The following MME variants were observed in gnomAD, a reference collection of about 807,000 sequenced individuals.
The protein encoded by MME is neprilysin.
In MME, 98 loss-of-function variants were observed where a neutral mutation model predicts 113.2. That is an observed-to-expected ratio of 0.87 (90% confidence interval 0.74 to 1.02). The LOEUF is 1.02. Ranked by LOEUF, MME falls within the 50% of genes least tolerant of loss-of-function variation. The pLI is 0.00. For missense variants in MME, 836 were observed against 896.0 expected (o/e 0.93, Z 0.86); for synonymous variants, 292 against 300.6 (o/e 0.97, Z 0.30).
chr3:155,079,630 T>TCG (rs1481000476), upstream of MME: 1 of 27,486 alleles, frequency 3.6e-5, no homozygotes, highest in African/African-American at 1.0e-4. Context: ...GGGTAGGGGG[T>TCG]GGGGGGGGTG....
chr3:155,061,397 G>A (rs1462185726), intron 1 of MME, among the ~76,000 whole-genome samples: 13 of 148,156 alleles, frequency 8.8e-5, no homozygotes, highest in African/African-American at 3.0e-4. Flanking sequence ...CTTGCAGTGA[G>A]CCGAGATGGC....
intron 1 of MME, among the ~76,000 whole-genome samples, chr3:155,066,000 C>T (rs149120022): frequency 2.0e-5 from 3 of 152,238 alleles, no homozygotes; most frequent in Non-Finnish European, 2.9e-5. Flanking sequence ...TTAAGTAATT[C>T]AGGAGTGTTT....
intron 8 of MME, among the ~76,000 whole-genome samples, chr3:155,126,134 A>G (rs890667967): frequency 2.0e-5 from 3 of 152,158 alleles, no homozygotes; most frequent in African/African-American, 7.2e-5. Context: ...TGGGTATGGG[A>G]TATTTGAGTT....
At chr3:155,077,868 T>C (rs575291234), upstream of MME, among the ~76,000 whole-genome samples, 2 of 152,216 alleles carry the variant, frequency 1.3e-5, no homozygotes, top group East Asian at 3.9e-4. Context: ...ATTTTTTTTT[T>C]CTTTTGTCAT....
intron 1 of MME, among the ~76,000 whole-genome samples, chr3:155,063,190 A>G (rs1288058567): frequency 5.6e-4 from 69 of 124,290 alleles, no homozygotes; most frequent in African/African-American, 2.1e-3. Flanking sequence ...TTTGTAATAT[A>G]TATTATTTAT....
chr3:155,075,063 A>G (rs1158717383), upstream of MME, among the ~76,000 whole-genome samples: 4 of 151,586 alleles, frequency 2.6e-5, no homozygotes, highest in African/African-American at 9.7e-5. Flanking sequence ...TATTAAAATC[A>G]CCCATTAACA....
chr3:155,100,724 C>G (rs1173319440), intron 3 of MME, among the ~76,000 whole-genome samples: 1 of 152,108 alleles, frequency 6.6e-6, no homozygotes, highest in Non-Finnish European at 1.5e-5. Flanking sequence ...TTAATAGCTA[C>G]TATAAAATAG....
At chr3:155,167,891 A>G (rs1178523942) in intron 18 of MME, among the ~76,000 whole-genome samples, 1 of 152,194 alleles carries the variant, frequency 6.6e-6, no homozygotes, top group Non-Finnish European at 1.5e-5. Flanking sequence ...TAGGTTGGCT[A>G]CATAGCCCTT....
intron 1 of MME, chr3:155,083,605 GGTT>G (rs1227494695): frequency 6.4e-6 from 1 of 157,042 alleles, no homozygotes; most frequent in East Asian, 1.9e-4. Context: ...TAAAAATAAA[GGTT>G]GTTTTTATGA....
At chr3:155,162,193 A>G (rs1722767327) in intron 17 of MME, among the ~76,000 whole-genome samples, 1 of 152,146 alleles carries the variant, frequency 6.6e-6, no homozygotes, top group Non-Finnish European at 1.5e-5. Context: ...CCACTCTGGC[A>G]TGTTCAGTCC....
chr3:155,180,231 T>A, intron 22 of MME, 129 bp from the exon 23 acceptor site: 1 of 768,014 alleles, frequency 1.3e-6, no homozygotes. Context: ...TTGTACCAGG[T>A]TATTTTAAGT....
At chr3:155,104,703 G>T (rs1192095369) in intron 3 of MME, among the ~76,000 whole-genome samples, 4 of 152,154 alleles carry the variant, frequency 2.6e-5, no homozygotes. Context: ...TGTCTGCCAG[G>T]GTCCAGGGAA....
chr3:155,180,333 C>A, intron 22 of MME, 27 bp from the exon 23 acceptor site: 1 of 1,558,896 alleles, frequency 6.4e-7, no homozygotes, highest in Non-Finnish European at 8.8e-7. Context: ...CAAATGCTGA[C>A]GGTGACTTTT....
chr3:155,126,659 T>C (rs1719683518), intron 8 of MME, among the ~76,000 whole-genome samples: 1 of 152,324 alleles, frequency 6.6e-6, no homozygotes, highest in South Asian at 2.1e-4. Context: ...TGCATTCTTA[T>C]ATGGCAGCAA....
intron 1 of MME, among the ~76,000 whole-genome samples, chr3:155,037,743 C>A (rs1713172482): frequency 4.6e-5 from 7 of 152,142 alleles, no homozygotes; most frequent in Admixed American, 4.6e-4. Context: ...ATGCCAAATG[C>A]TGCTAGAAGG....
chr3:155,174,072 T>G (rs1712260337), intron 22 of MME, among the ~76,000 whole-genome samples: 1 of 152,000 alleles, frequency 6.6e-6, no homozygotes, highest in Non-Finnish European at 1.5e-5. Context: ...TCTTATGCAT[T>G]TTGTAATAGT....
intron 20 of MME, 73 bp downstream of exon 20, chr3:155,168,870 C>G: frequency 1.5e-6 from 2 of 1,351,368 alleles, no homozygotes; most frequent in Admixed American, 2.0e-5. Context: ...CATTTAAAAC[C>G]TTTTGCAAAA....
At chr3:155,110,330 A>G (rs1367516899) in intron 3 of MME, among the ~76,000 whole-genome samples, 1 of 152,156 alleles carries the variant, frequency 6.6e-6, no homozygotes, top group African/African-American at 2.4e-5. Flanking sequence ...AAATTACTTA[A>G]TCTTGTACAG....
chr3:155,092,183 G>A (rs1310000653), intron 3 of MME, among the ~76,000 whole-genome samples: 2 of 152,148 alleles, frequency 1.3e-5, no homozygotes, highest in Non-Finnish European at 2.9e-5. Context: ...TGATTCAAAT[G>A]CCACTCTTTT....
Sources: gnomAD v4.1 joint callset for allele counts (sites outside exome capture counted in the v4.1 genomes callset) on GRCh38, gnomAD v4.1.1 for gene constraint, MANE v1.5 for transcripts, NCBI Gene and HGNC (gene_info 2026-07-23, HGNC 2026-07-21) for gene names.